Variants in CCDC7 observed in about 807,000 individuals in gnomAD.
The protein encoded by CCDC7 is coiled-coil domain-containing protein 7.
Under a neutral mutation model 196.9 loss-of-function variants are expected in CCDC7, and 183 were observed. The ratio of observed to expected loss-of-function variants is 0.93; its 90% CI spans 0.82 to 1.05. CCDC7 has a LOEUF of 1.05. CCDC7 is among the 50% of genes least tolerant of loss of function. The pLI is 0.00. For missense variants in CCDC7, 1,540 were observed against 1,482.2 expected (o/e 1.04, Z -0.64); for synonymous variants, 525 against 484.6 (o/e 1.08, Z -1.10).
intron 29 of CCDC7, among the ~76,000 whole-genome samples, chr10:32,794,287 G>A (rs1402251953): frequency 6.6e-6 from 1 of 152,128 alleles, no homozygotes; most frequent in African/African-American, 2.4e-5. Context: ...CATTTCCGTG[G>A]TGTATTGTAC....
rs571540905 is a variant in CCDC7, at chr10:32,687,850, G to A, written c.2234-1203G>A. Among the ~76,000 whole-genome samples, 10 of 152,232 alleles carry A rather than the reference G, an allele frequency of 6.6e-5. No homozygotes were observed. In the South Asian group the frequency reaches 1.0e-3, roughly 16 times the overall value. Reference sequence around the variant, plus strand: ...AAATAGCACATGTGTTATAGGTATCGTCACCATTTTGACTCTAGTGGGGCT... The same window carrying A: ...AAATAGCACATGTGTTATAGGTATCATCACCATTTTGACTCTAGTGGGGCT... On this transcript the variant is annotated intron_variant, in intron 22 of 41. Coordinates refer to ENST00000639629, the Ensembl canonical transcript of CCDC7.
At chr10:32,647,345 G>A (rs2067939915) in intron 20 of CCDC7, among the ~76,000 whole-genome samples, 1 of 151,824 alleles carries the variant, frequency 6.6e-6, no homozygotes, top group East Asian at 1.9e-4. Flanking sequence ...TATCTCTACT[G>A]AAAATAGAAA....
rs143327243 is a variant in CCDC7, at chr10:32,664,520, T to C, written c.2122+359T>C. Among the ~76,000 whole-genome samples the C allele has an allele frequency of 8.9e-4, 136 of 152,228 alleles. 1 individual carries two copies. The highest frequency in any genetic ancestry group is 3.0e-3 in the African/African-American group (124 of 41,572). On this transcript the variant is annotated intron_variant, in intron 21 of 41. Transcript: ENST00000639629. ...CAGTCCTCCCACCATCAGCCTCTTA[T>C]AACCAACATTTTACTCTCTGTTCCT...
At chr10:32,820,498 A>T (rs370861869) in intron 31 of CCDC7, among the ~76,000 whole-genome samples, 3 of 152,112 alleles carry the variant, frequency 2.0e-5, no homozygotes, top group Non-Finnish European at 4.4e-5. Context: ...AAAAGAGCCC[A>T]CATTGCCAAG....
At chr10:32,862,970 C>T (rs529224830) in intron 41 of CCDC7, among the ~76,000 whole-genome samples, 3 of 151,992 alleles carry the variant, frequency 2.0e-5, no homozygotes, top group Admixed American at 2.0e-4. Flanking sequence ...TGCACACTGA[C>T]AACTAGAAAA....
chr10:32,656,920 C>A (rs1261844854), intron 20 of CCDC7, among the ~76,000 whole-genome samples: 1 of 152,204 alleles, frequency 6.6e-6, no homozygotes, highest in South Asian at 2.1e-4. Flanking sequence ...TGGGTAAATA[C>A]ACCCATTCCA....
rs376690554 is a variant in CCDC7, at chr10:32,694,997, G to C, written c.2458+5G>C. 117 of 1,473,510 alleles carry C rather than the reference G, an allele frequency of 7.9e-5. No individual in the cohort carries two copies. The African/African-American group carries it at 1.6e-3, about 20-fold the overall frequency. 91.3% of individuals were successfully genotyped at this position (1,473,510 alleles called of 1,614,324 possible). A position where few individuals can be genotyped will look rare whatever the true frequency, so the allele number is the denominator to read the frequency against. On this transcript the variant is annotated splice_donor_5th_base_variant and intron_variant, in intron 24 of 41. Coordinates refer to ENST00000639629, the Ensembl canonical transcript of CCDC7. ...CTAGAGAGAAAAGACATAGTAGTAA[G>C]TATAATAATTATAGATAACTTAAAA... is the stretch of plus-strand genomic sequence containing the variant.
chr10:32,648,420 G>T (rs1205811356), intron 20 of CCDC7, among the ~76,000 whole-genome samples: 1 of 152,144 alleles, frequency 6.6e-6, no homozygotes, highest in Non-Finnish European at 1.5e-5. Flanking sequence ...ACTTTGGGCA[G>T]TATGGCCTTT....
intron 16 of CCDC7, chr10:32,574,350 C>T (rs1436364133): frequency 9.7e-7 from 1 of 1,032,742 alleles, no homozygotes; most frequent in Non-Finnish European, 1.3e-6. Flanking sequence ...TATTATGTTG[C>T]TAAATATAAT....
chr10:32,592,389 G>T (rs568745118), intron 18 of CCDC7, among the ~76,000 whole-genome samples: 6 of 151,798 alleles, frequency 4.0e-5, no homozygotes, highest in Admixed American at 2.6e-4. Context: ...GATTTAGGTT[G>T]TCCTTTTTCT....
At chr10:32,472,338 CT>C in intron 6 of CCDC7, 142 bp from the exon 8 acceptor site, 1 of 685,590 alleles carries the variant, frequency 1.5e-6, no homozygotes, top group Non-Finnish European at 2.1e-6. Flanking sequence ...ACCTTAGTGT[CT>C]GTGAGTAAAG....
chr10:32,860,073 A>G (rs1373247780), intron 41 of CCDC7, among the ~76,000 whole-genome samples: 1 of 152,238 alleles, frequency 6.6e-6, no homozygotes, highest in Non-Finnish European at 1.5e-5. Flanking sequence ...TGAGGCCAGC[A>G]TCATCCTGAT....
intron 11 of CCDC7, among the ~76,000 whole-genome samples, chr10:32,522,026 C>A (rs968051240): frequency 6.6e-6 from 1 of 152,074 alleles, no homozygotes; most frequent in African/African-American, 2.4e-5. Flanking sequence ...TATTGTGAAT[C>A]CCACTTGGTC....
At chr10:32,812,997 G>A (rs1033391150) in intron 30 of CCDC7, among the ~76,000 whole-genome samples, 1 of 152,160 alleles carries the variant, frequency 6.6e-6, no homozygotes, top group Non-Finnish European at 1.5e-5. Flanking sequence ...TAGTGAGGCA[G>A]TGCTCAGTAT....
At chr10:32,832,178 A>G (rs1329182380) in intron 32 of CCDC7, among the ~76,000 whole-genome samples, 2 of 152,158 alleles carry the variant, frequency 1.3e-5, no homozygotes, top group African/African-American at 4.8e-5. Context: ...TAATTCTAGT[A>G]AGATTAATAG....
intron 18 of CCDC7, among the ~76,000 whole-genome samples, chr10:32,592,617 G>A (rs934773368): frequency 7.9e-5 from 12 of 152,016 alleles, no homozygotes; most frequent in Non-Finnish European, 1.5e-4. Flanking sequence ...TGTTACATAT[G>A]TATACATGTG....
intron 41 of CCDC7, among the ~76,000 whole-genome samples, chr10:32,857,764 A>G (rs2093808204): frequency 6.6e-6 from 1 of 152,034 alleles, no homozygotes; most frequent in African/African-American, 2.4e-5. Flanking sequence ...AAGGAAAGAA[A>G]TAATAAAGAT....
At chr10:32,665,602 C>G (rs1303987598) in intron 21 of CCDC7, among the ~76,000 whole-genome samples, 3 of 152,026 alleles carry the variant, frequency 2.0e-5, no homozygotes, top group Non-Finnish European at 2.9e-5. Flanking sequence ...CAGTACCATG[C>G]TGTCTTGTTT....
chr10:32,501,047 G>A (rs371466993), intron 9 of CCDC7, among the ~76,000 whole-genome samples: 13 of 114,312 alleles, frequency 1.1e-4, no homozygotes, highest in African/African-American at 5.2e-4. Context: ...AAAGGGGAGA[G>A]GGAGAGGGAG....
Sources: allele counts gnomAD v4.1 joint callset (sites outside exome capture counted in the v4.1 genomes callset), GRCh38; gene constraint gnomAD v4.1.1; transcripts MANE v1.5; gene names NCBI Gene and HGNC (gene_info 2026-07-23, HGNC 2026-07-21).